The following EIF4B variants were observed in gnomAD, a reference collection of about 807,000 sequenced individuals.
EIF4B encodes eukaryotic translation initiation factor 4B.
EIF4B carries 8 observed loss-of-function variants against 79.3 expected under a neutral mutation model. The observed-to-expected ratio is 0.10, with a 90% confidence interval of 0.06 to 0.18. EIF4B has a LOEUF of 0.18. Ranked by LOEUF, EIF4B falls within the 10% of genes least tolerant of loss-of-function variation. The pLI is 1.00. For synonymous variants in EIF4B, 238 were observed against 274.7 expected, an observed-to-expected ratio of 0.87 and a Z score of 1.32; for missense variants, 515 against 792.4, an observed-to-expected ratio of 0.65 and a Z score of 4.20.
In EIF4B at chr12:53,006,489, G is replaced by C. The variant is rs1942961673; in HGVS notation, c.6G>C (p.Ala2=). Residue 2 remains alanine (A), a synonymous_variant, in exon 1 of 15, where the codon GCG becomes GCC. Transcript: ENST00000262056. The stretch of plus-strand genomic sequence containing the variant: ...TTCTCTTTCCCTCTCCCAACATGGC[G>C]GCCTCAGGTGAGCGAGCAGCCGAGC... M[A]ASAKKKNKKG... 1 of 1,613,464 alleles carries C rather than the reference G, an allele frequency of 6.2e-7. No individual in the cohort carries two copies. Among genetic ancestry groups the C allele is most frequent in the East Asian group, 2.2e-5 (1 of 44,866 alleles).
At chr12:53,022,171 A>G (rs1943255790) in intron 5 of EIF4B, 2 of 664,724 alleles carry the variant, frequency 3.0e-6, no homozygotes, top group Non-Finnish European at 5.4e-6. Context: ...ATTGATCTAG[A>G]TGAACATTAA....
intron 2 of EIF4B, 98 bp from the exon 3 acceptor site, chr12:53,018,700 G>GC: frequency 7.1e-7 from 1 of 1,399,472 alleles, no homozygotes; most frequent in Non-Finnish European, 1.0e-6. Flanking sequence ...TTCTTGTATA[G>GC]CATGTTTAAT....
intron 10 of EIF4B, among the ~76,000 whole-genome samples, chr12:53,036,553 T>C (rs1943544174): frequency 6.6e-6 from 1 of 151,448 alleles, no homozygotes; most frequent in Non-Finnish European, 1.5e-5. Context: ...ATACGACGGG[T>C]GCACGCAACC....
rs777117531 is a variant in EIF4B, at chr12:53,034,653, G to A, written c.1250G>A (p.Arg417Gln). 2.5e-5 allele frequency: 41 copies of A among 1,613,850 alleles called. No homozygotes were observed. The highest frequency in any genetic ancestry group is 3.0e-5 in the Non-Finnish European group (35 of 1,179,872). Reference sequence around the variant, plus strand: ...AGTGAAGAAACTCAGGAACGGGAACGGTCGAGGACAGGAAGTGAGTCATCA... The same window carrying A: ...AGTGAAGAAACTCAGGAACGGGAACAGTCGAGGACAGGAAGTGAGTCATCA... ...WRSEETQERE[R>Q]SRTGSESSQT... Residue 417 changes from arginine (R) to glutamine (Q), a missense_variant, in exon 10 of 15, where the codon CGG becomes CAG. Physicochemically the swap from Arg to Gln is conservative, Grantham distance 43. Transcript: ENST00000262056.
chr12:53,022,677 T>G, intron 6 of EIF4B, 50 bp downstream of exon 6: 4 of 1,585,996 alleles, frequency 2.5e-6, no homozygotes, highest in Non-Finnish European at 2.6e-6. Flanking sequence ...GGGAGGCTAT[T>G]TAGTAATAGG....
intron 9 of EIF4B, 150 bp downstream of exon 9, chr12:53,034,184 G>C: frequency 1.3e-6 from 1 of 749,694 alleles, no homozygotes; most frequent in Non-Finnish European, 2.2e-6. Flanking sequence ...AGGGGTGTTA[G>C]GCAGTATGCA....
intron 10 of EIF4B, among the ~76,000 whole-genome samples, chr12:53,037,144 A>C (rs1943553170): frequency 6.6e-6 from 1 of 152,236 alleles, no homozygotes. Context: ...TTGAGAATGC[A>C]GAAAGGCTGT....
chr12:53,007,322 G>A (rs1037150636), intron 1 of EIF4B, among the ~76,000 whole-genome samples: 2 of 151,704 alleles, frequency 1.3e-5, no homozygotes, highest in African/African-American at 2.4e-5. Flanking sequence ...TCAATTGGAG[G>A]CATTTTTTAC....
intron 5 of EIF4B, 133 bp downstream of exon 5, chr12:53,021,993 G>A: frequency 5.6e-6 from 6 of 1,076,526 alleles, no homozygotes; most frequent in Non-Finnish European, 8.2e-6. Flanking sequence ...AATCAGTTTT[G>A]CCCCACAGGG....
chr12:53,039,539 C>A, intron 13 of EIF4B, 91 bp from the exon 14 acceptor site: 1 of 1,453,950 alleles, frequency 6.9e-7, no homozygotes, highest in South Asian at 1.2e-5. Flanking sequence ...CTAGAGGTGC[C>A]TGTTCAGTGC....
intron 6 of EIF4B, among the ~76,000 whole-genome samples, chr12:53,023,370 C>CT (rs1943280419): frequency 1.3e-5 from 2 of 148,954 alleles, no homozygotes; most frequent in South Asian, 4.3e-4. Context: ...GTAGCTGGGA[C>CT]TACAGGCGCG....
At chr12:53,028,692 A>G (rs1943382230) in intron 8 of EIF4B, among the ~76,000 whole-genome samples, 1 of 152,148 alleles carries the variant, frequency 6.6e-6, no homozygotes, top group Non-Finnish European at 1.5e-5. Flanking sequence ...TGGAAAAAAA[A>G]GTTGCCAGAT....
chr12:53,023,399 A>G (rs1168707523), intron 6 of EIF4B, among the ~76,000 whole-genome samples: 1 of 151,034 alleles, frequency 6.6e-6, no homozygotes, highest in Non-Finnish European at 1.5e-5. Flanking sequence ...CACCCAGCTA[A>G]TTTTTGTATT....
At chr12:53,025,075 GGAA>G (rs1943312122) in intron 6 of EIF4B, among the ~76,000 whole-genome samples, 1 of 152,130 alleles carries the variant, frequency 6.6e-6, no homozygotes, top group Non-Finnish European at 1.5e-5. Context: ...AGATGTAGAA[GGAA>G]GAAGAATGGG....
intron 8 of EIF4B, among the ~76,000 whole-genome samples, chr12:53,032,504 A>G (rs1399719547): frequency 1.3e-5 from 2 of 152,204 alleles, no homozygotes; most frequent in African/African-American, 2.4e-5. Flanking sequence ...GGAGCAAGAT[A>G]CTTTCATCCA....
At chr12:53,007,273 G>C (rs977182086) in intron 1 of EIF4B, among the ~76,000 whole-genome samples, 4 of 152,138 alleles carry the variant, frequency 2.6e-5, no homozygotes, top group African/African-American at 9.7e-5. Context: ...AGAAGCACCG[G>C]TGTGCACCTA....
intron 1 of EIF4B, chr12:53,008,669 T>C (rs1943009939): frequency 6.6e-6 from 1 of 152,220 alleles, no homozygotes; most frequent in South Asian, 2.1e-4. Context: ...AACTATAGAA[T>C]GAGGATAGTT....
intron 10 of EIF4B, among the ~76,000 whole-genome samples, chr12:53,035,618 T>G (rs1046371687): frequency 7.9e-5 from 12 of 152,062 alleles, no homozygotes; most frequent in African/African-American, 2.9e-4. Context: ...TCCACCCGAC[T>G]CGGCCTCCCA....
At position 53,024,549 on chromosome 12, in the gene EIF4B, CTAAG is replaced by C. The variant is rs1272832598; in HGVS notation, c.667+1926_667+1929del. On this transcript the variant is annotated intron_variant, in intron 6 of 14. Coordinates refer to ENST00000262056, the MANE Select transcript of EIF4B (RefSeq NM_001417.7). The stretch of plus-strand genomic sequence containing the variant: ...TGGCAAAATATGACATTCACTAAAC[CTAAG>C]TAATAGGTTCATAAGTTTGTTATAA... Among the ~76,000 whole-genome samples, 6 of 152,238 alleles carry C rather than the reference CTAAG, an allele frequency of 3.9e-5. No homozygotes were observed. The East Asian group carries it at 1.2e-3, about 29-fold the overall frequency.
Sources: gnomAD v4.1 joint callset for allele counts (sites outside exome capture counted in the v4.1 genomes callset) on GRCh38, gnomAD v4.1.1 for gene constraint, MANE v1.5 for transcripts, NCBI Gene and HGNC (gene_info 2026-07-23, HGNC 2026-07-21) for gene names.